The following PCMT1 variants were observed in gnomAD, a reference collection of about 807,000 sequenced individuals.
PCMT1 encodes protein-L-isoaspartate (D-aspartate) O-methyltransferase.
A neutral mutation model predicts 29.2 loss-of-function variants in PCMT1; 9 were observed. The ratio of observed to expected loss-of-function variants is 0.31; its 90% CI spans 0.19 to 0.54. The LOEUF is 0.54. PCMT1 is among the 20% of genes least tolerant of loss of function. The probability of loss-of-function intolerance (pLI) is 0.95; values close to 1 mark genes in which losing one functional copy is unlikely to be tolerated. For missense variants in PCMT1, 184 were observed against 282.2 expected (o/e 0.65, Z 2.49); for synonymous variants, 98 against 97.5 (o/e 1.00, Z -0.03).
intron 1 of PCMT1, among the ~76,000 whole-genome samples, chr6:149,763,117 G>GTATATCTATGATATATATGATATA: frequency 1.6e-5 from 1 of 63,300 alleles, no homozygotes; most frequent in Non-Finnish European, 2.3e-5. Flanking sequence ...TCTATGATAT[G>GTATATCTATGATATATATGATATA]TATATCTATG....
In PCMT1 at chr6:149,749,911, A is replaced by G; in HGVS notation, c.10A>G (p.Lys4Glu). Residue 4 changes from lysine (K) to glutamate (E), a missense_variant, in exon 1 of 8, where the codon AAA becomes GAA. Transcript: ENST00000464889. MAW[K>E]SGGASHSELI... ...CCGAGTGTGCTTAGCGATGGCCTGG[A>G]AATCCGGCGGCGCCAGCCACTCGGA... The G allele has an allele frequency of 6.2e-7, 1 of 1,608,504 alleles. No individual in the cohort carries two copies. The highest frequency in any genetic ancestry group is 8.5e-7 in the Non-Finnish European group (1 of 1,178,088).
intron 3 of PCMT1, 94 bp from the exon 4 acceptor site, chr6:149,789,860 A>G (rs1788282917): frequency 4.3e-6 from 3 of 694,702 alleles, no homozygotes; most frequent in Admixed American, 2.9e-5. Context: ...GTAGATGACA[A>G]TAGTAGAAAA....
At chr6:149,768,414 A>G (rs1787178625) in intron 1 of PCMT1, among the ~76,000 whole-genome samples, 2 of 139,450 alleles carry the variant, frequency 1.4e-5, no homozygotes, top group Non-Finnish European at 3.2e-5. Context: ...AATTCTTATT[A>G]TAATAGGTGA....
At chr6:149,777,876 CTT>C (rs57484963) in intron 3 of PCMT1, among the ~76,000 whole-genome samples, 3,188 of 111,054 alleles carry the variant, frequency 0.029, 127 homozygotes, top group African/African-American at 0.1. Context: ...TTCTTTTCTT[CTT>C]TTTTTTTTTT....
intron 1 of PCMT1, among the ~76,000 whole-genome samples, chr6:149,756,283 T>TTTCTAG (rs3039628): frequency 6.6e-6 from 1 of 151,322 alleles, no homozygotes; most frequent in Admixed American, 6.6e-5. Flanking sequence ...ATGAAATTAT[T>TTTCTAG]TTCTATCTAC....
chr6:149,775,649 A>G (rs561380408), intron 3 of PCMT1, among the ~76,000 whole-genome samples: 3 of 152,148 alleles, frequency 2.0e-5, no homozygotes, highest in African/African-American at 7.2e-5. Context: ...TTGAGGCTGC[A>G]GTGAGCCATG....
intron 1 of PCMT1, among the ~76,000 whole-genome samples, chr6:149,759,737 C>A (rs1166568224): frequency 6.6e-6 from 1 of 151,746 alleles, no homozygotes; most frequent in Non-Finnish European, 1.5e-5. Context: ...TCAGGTGATC[C>A]ACCCACCTCG....
In PCMT1 at chr6:149,783,525, G is replaced by A. The variant is rs184498025; in HGVS notation, c.193-6429G>A. Among the ~76,000 whole-genome samples the A allele has an allele frequency of 2.1e-4, 32 of 152,252 alleles. 1 individual carries two copies. The highest frequency in any genetic ancestry group is 2.0e-3 in the Admixed American group (31 of 15,290). Reference sequence around the variant, plus strand: ...CTGAGTGGTTGAGGTTGACATGTCCGGTGGTGTGGTGGTCCAATATTATAT... The same window carrying A: ...CTGAGTGGTTGAGGTTGACATGTCCAGTGGTGTGGTGGTCCAATATTATAT... On this transcript the variant is annotated intron_variant, in intron 3 of 7. Transcript: ENST00000464889.
intron 4 of PCMT1, 42 bp from the exon 5 acceptor site, chr6:149,793,507 A>C: frequency 7.2e-7 from 1 of 1,394,614 alleles, no homozygotes; most frequent in Non-Finnish European, 9.3e-7. Context: ...TAGAAAAACA[A>C]ATTTAGCCCA....
chr6:149,802,425 G>A lies in PCMT1; in HGVS notation c.*37+9G>A. 2 of 1,545,798 alleles carry A rather than the reference G, an allele frequency of 1.3e-6. No individual in the cohort carries two copies. Among genetic ancestry groups the A allele is most frequent in the South Asian group, 1.2e-5 (1 of 80,846 alleles). ...TCTTCCACACATGCAAGGTGAAAGG[G>A]TGTGGATTTTAAGACATTAGACTAC... On this transcript the variant is annotated intron_variant, in intron 7 of 7. Transcript: ENST00000464889.
At chr6:149,788,139 G>T (rs750903792) in intron 3 of PCMT1, among the ~76,000 whole-genome samples, 4 of 151,718 alleles carry the variant, frequency 2.6e-5, no homozygotes, top group African/African-American at 2.4e-5. Context: ...GGATGGTCTC[G>T]ATCTCCTGAC....
chr6:149,773,109 G>A (rs1787403821), intron 2 of PCMT1, 29 bp from the exon 3 acceptor site: 2 of 1,572,728 alleles, frequency 1.3e-6, no homozygotes, highest in African/African-American at 1.4e-5. Flanking sequence ...ACAGCTGACT[G>A]TATCAGTAGT....
At chr6:149,757,550 A>T (rs1583003080) in intron 1 of PCMT1, among the ~76,000 whole-genome samples, 1 of 152,156 alleles carries the variant, frequency 6.6e-6, no homozygotes, top group East Asian at 1.9e-4. Context: ...GGTTTAGCAA[A>T]ACCTTTAGGG....
chr6:149,808,916 G>A (rs1776085577), intron 7 of PCMT1, among the ~76,000 whole-genome samples: 2 of 103,474 alleles, frequency 1.9e-5, no homozygotes, highest in African/African-American at 3.8e-5. Flanking sequence ...GATTACAGGT[G>A]TGAGCCACTG....
At chr6:149,758,701 C>G (rs943380131) in intron 1 of PCMT1, among the ~76,000 whole-genome samples, 30 of 151,980 alleles carry the variant, frequency 2.0e-4, no homozygotes, top group African/African-American at 7.0e-4. Context: ...GAAATAACAT[C>G]TAAATACTAT....
intron 3 of PCMT1, among the ~76,000 whole-genome samples, chr6:149,784,706 C>T (rs1787951987): frequency 6.6e-6 from 1 of 152,108 alleles, no homozygotes; most frequent in Non-Finnish European, 1.5e-5. Flanking sequence ...TTAAGCAATC[C>T]ACCCACCTCG....
intron 6 of PCMT1, chr6:149,797,264 A>G (rs909567900): frequency 3.3e-5 from 5 of 152,238 alleles, no homozygotes; most frequent in African/African-American, 1.2e-4. Flanking sequence ...GCGATATGAT[A>G]ACATATAATT....
At chr6:149,751,045 A>G (rs1234289830) in intron 1 of PCMT1, among the ~76,000 whole-genome samples, 1 of 152,146 alleles carries the variant, frequency 6.6e-6, no homozygotes, top group Non-Finnish European at 1.5e-5. Context: ...GGCCGGGCTC[A>G]TTGGCTCACG....
chr6:149,779,768 C>T (rs1000971861), intron 3 of PCMT1, among the ~76,000 whole-genome samples: 3 of 151,612 alleles, frequency 2.0e-5, no homozygotes, highest in African/African-American at 7.3e-5. Context: ...GCCAAGATCG[C>T]ACCACTTCAC....
Sources: gnomAD v4.1 joint callset for allele counts (sites outside exome capture counted in the v4.1 genomes callset) on GRCh38, gnomAD v4.1.1 for gene constraint, MANE v1.5 for transcripts, NCBI Gene and HGNC (gene_info 2026-07-23, HGNC 2026-07-21) for gene names.